The following GALNT14 variants were observed in gnomAD, a reference collection of about 807,000 sequenced individuals.
The protein encoded by GALNT14 is polypeptide N-acetylgalactosaminyltransferase 14, also known as UDP-GalNAc:polypeptide N-acetylgalactosaminyltransferase 14.
GALNT14 carries 60 observed loss-of-function variants against 77.5 expected under a neutral mutation model. The ratio of observed to expected loss-of-function variants is 0.77; its 90% CI spans 0.63 to 0.96. GALNT14 has a LOEUF of 0.96. Among genes scored for constraint, GALNT14 ranks in the 40% least tolerant of loss-of-function variants. The pLI, the probability that GALNT14 is intolerant of heterozygous loss-of-function variation, is 0.00. For missense variants in GALNT14, 710 were observed against 731.0 expected, an observed-to-expected ratio of 0.97 and a Z score of 0.33; for synonymous variants, 280 against 281.7, an observed-to-expected ratio of 0.99 and a Z score of 0.06.
At chr2:31,088,590 G>A (rs548731953) in intron 1 of GALNT14, among the ~76,000 whole-genome samples, 6 of 152,318 alleles carry the variant, frequency 3.9e-5, no homozygotes, top group African/African-American at 4.8e-5. Flanking sequence ...GAACTCTAAC[G>A]AACCCACAAA....
chr2:31,047,569 C>A (rs933158049), intron 1 of GALNT14, among the ~76,000 whole-genome samples: 1 of 152,180 alleles, frequency 6.6e-6, no homozygotes, highest in African/African-American at 2.4e-5. Flanking sequence ...TTCTTAGGCC[C>A]CAAGGCATTC....
intron 11 of GALNT14, among the ~76,000 whole-genome samples, chr2:30,927,059 A>G (rs1665429532): frequency 6.6e-6 from 1 of 152,156 alleles, no homozygotes; most frequent in African/African-American, 2.4e-5. Flanking sequence ...GATGGGAATA[A>G]TGCAGCAGAG....
Position 31,115,586 on chromosome 2 carries a change from G to A in GALNT14, c.129+22372C>T, listed in dbSNP as rs184157455. ...GTGACAAATAAGAATACCTGAAAAAGAGGAGGGATTCTGCAAAGAAAATCT... is the reference window on the plus strand; with the variant it reads ...GTGACAAATAAGAATACCTGAAAAAAAGGAGGGATTCTGCAAAGAAAATCT... On this transcript the variant is annotated intron_variant, in intron 1 of 14. Coordinates refer to ENST00000349752, the MANE Select transcript of GALNT14 (RefSeq NM_024572.4). Among the ~76,000 whole-genome samples the A allele has an allele frequency of 3.0e-3, 464 of 152,356 alleles. 4 individuals are homozygous for A. Among genetic ancestry groups the A allele is most frequent in the African/African-American group, 0.011 (441 of 41,598 alleles).
chr2:31,090,596 T>G (rs987191643), intron 1 of GALNT14, among the ~76,000 whole-genome samples: 10 of 151,050 alleles, frequency 6.6e-5, no homozygotes, highest in Non-Finnish European at 1.3e-4. Context: ...TTCAAGTCAT[T>G]CTCCTGCCTC....
At chr2:31,117,222 C>T (rs1444209888) in intron 1 of GALNT14, among the ~76,000 whole-genome samples, 1 of 152,040 alleles carries the variant, frequency 6.6e-6, no homozygotes, top group African/African-American at 2.4e-5. Flanking sequence ...TATCAAAAAT[C>T]CTAAGGATTT....
At chr2:30,913,721 A>G (rs1190982696) in intron 13 of GALNT14, among the ~76,000 whole-genome samples, 3 of 152,136 alleles carry the variant, frequency 2.0e-5, no homozygotes, top group Non-Finnish European at 4.4e-5. Flanking sequence ...GGATTCTTTT[A>G]TCCCTTTTCA....
At chr2:30,910,133 T>C (rs942454864), downstream of GALNT14, among the ~76,000 whole-genome samples, 84 of 151,098 alleles carry the variant, frequency 5.6e-4, no homozygotes, top group South Asian at 2.5e-3. Flanking sequence ...GTGGGTGCAG[T>C]GCACCAGCAT....
intron 1 of GALNT14, among the ~76,000 whole-genome samples, chr2:31,028,453 A>T (rs1262561575): frequency 6.6e-6 from 1 of 152,238 alleles, no homozygotes; most frequent in Non-Finnish European, 1.5e-5. Context: ...GGATGAGAGC[A>T]TCAAGATTCA....
intron 4 of GALNT14, 103 bp downstream of exon 4, chr2:30,958,294 C>T (rs1437928827): frequency 1.0e-6 from 1 of 977,992 alleles, no homozygotes; most frequent in South Asian, 1.5e-5. Flanking sequence ...CAAACCTGGG[C>T]TTTTCCCCAT....
chr2:31,059,210 G>A (rs1413912081), intron 1 of GALNT14, among the ~76,000 whole-genome samples: 1 of 152,194 alleles, frequency 6.6e-6, no homozygotes, highest in Non-Finnish European at 1.5e-5. Flanking sequence ...AAGTAAGCCA[G>A]TCTTGTGGCT....
At chr2:31,059,187 G>A (rs773316330) in intron 1 of GALNT14, among the ~76,000 whole-genome samples, 1 of 152,182 alleles carries the variant, frequency 6.6e-6, no homozygotes, top group South Asian at 2.1e-4. Context: ...TTAAGCCTTG[G>A]TTTTATAGGG....
At position 30,912,205 on chromosome 2, in the gene GALNT14, G is replaced by T; in HGVS notation, c.1500+18C>A. The T allele has an allele frequency of 6.2e-7, 1 of 1,613,688 alleles. No individual in the cohort carries two copies. Among genetic ancestry groups the T allele is most frequent in the South Asian group, 1.1e-5 (1 of 90,946 alleles). Reference sequence around the variant, plus strand: ...ATTACGGAGTTGGCCACATCCCAGGGACCTGCTGAGCACTTACCTGTCGGT... The same window carrying T: ...ATTACGGAGTTGGCCACATCCCAGGTACCTGCTGAGCACTTACCTGTCGGT... On this transcript the variant is annotated intron_variant, in intron 14 of 14. Transcript: ENST00000349752.
At chr2:30,942,078 C>T in intron 9 of GALNT14, 123 bp downstream of exon 9, 4 of 651,114 alleles carry the variant, frequency 6.1e-6, no homozygotes, top group Non-Finnish European at 1.1e-5. Flanking sequence ...CTCCCAGGAC[C>T]TCATCCAAAG....
chr2:30,972,639 G>A (rs902638007), intron 2 of GALNT14, among the ~76,000 whole-genome samples: 7 of 152,186 alleles, frequency 4.6e-5, no homozygotes, highest in East Asian at 3.8e-4. Flanking sequence ...CAGCGTCCTC[G>A]TCACATGTTG....
Position 31,138,394 on chromosome 2 carries a change from G to GCCGCCGCCA in GALNT14, c.-309_-308insTGGCGGCGG, listed in dbSNP as rs1220541911. On this transcript the variant is annotated 5_prime_UTR_variant, in exon 1 of 15. Coordinates refer to ENST00000349752, the MANE Select transcript of GALNT14 (RefSeq NM_024572.4). ...TGTTCCCCACGCCGCCACCGCGGCTGCCGCCGCCGCCGCCGCCGCCTTGCC... is the reference window on the plus strand; with the variant it reads ...TGTTCCCCACGCCGCCACCGCGGCTGCCGCCGCCACCGCCGCCGCCGCCGCCGCCTTGCC... 7.0e-4 allele frequency: 180 copies of GCCGCCGCCA among 257,908 alleles called. No individual in the cohort carries two copies. Among genetic ancestry groups the GCCGCCGCCA allele is most frequent in the Middle Eastern group, 1.1e-3 (1 of 936 alleles). The allele number at this position is 257,908 out of a possible 1,614,324, so 16.0% of individuals were successfully genotyped here. A position where few individuals can be genotyped will look rare whatever the true frequency, so the allele number is the denominator to read the frequency against.
chr2:30,891,640 C>A, the GALNT14 span, among the ~76,000 whole-genome samples: 1 of 152,164 alleles, frequency 6.6e-6, no homozygotes, highest in African/African-American at 2.4e-5. Context: ...GTTGCCCCCG[C>A]AGACAGACCC....
chr2:31,033,208 T>C (rs1329421666), intron 1 of GALNT14, among the ~76,000 whole-genome samples: 1 of 152,158 alleles, frequency 6.6e-6, no homozygotes, highest in African/African-American at 2.4e-5. Flanking sequence ...CTCCTGCTTC[T>C]ATGGACAAGG....
At chr2:31,132,376 C>T (rs909240239) in intron 1 of GALNT14, among the ~76,000 whole-genome samples, 4 of 152,164 alleles carry the variant, frequency 2.6e-5, no homozygotes, top group Non-Finnish European at 5.9e-5. Flanking sequence ...TCCCAACCTG[C>T]CATTTGCATA....
chr2:30,920,630 T>TACACACACACAC (rs140659655), intron 13 of GALNT14, among the ~76,000 whole-genome samples: 11 of 145,196 alleles, frequency 7.6e-5, no homozygotes, highest in African/African-American at 2.5e-4. Context: ...GAGTGTATGC[T>TACACACACACAC]ACACACACAC....
Sources: gnomAD v4.1 joint callset for allele counts (sites outside exome capture counted in the v4.1 genomes callset) on GRCh38, gnomAD v4.1.1 for gene constraint, MANE v1.5 for transcripts, NCBI Gene and HGNC (gene_info 2026-07-23, HGNC 2026-07-21) for gene names.